CDH4: variants seen among roughly 807,000 people sequenced by gnomAD.
CDH4 encodes cadherin 4.
Under a neutral mutation model 86.0 loss-of-function variants are expected in CDH4, and 33 were observed. The ratio of observed to expected loss-of-function variants is 0.38; its 90% CI spans 0.29 to 0.51. CDH4 has a LOEUF of 0.51. Among genes scored for constraint, CDH4 ranks in the 20% least tolerant of loss-of-function variants. CDH4 has a pLI of 0.86. For synonymous variants in CDH4, 555 were observed against 549.4 expected, an observed-to-expected ratio of 1.01 and a Z score of -0.14; for missense variants, 1,114 against 1,307.4, an observed-to-expected ratio of 0.85 and a Z score of 2.28.
intron 2 of CDH4, among the ~76,000 whole-genome samples, chr20:61,466,529 T>C (rs1175987772): frequency 1.3e-5 from 2 of 152,166 alleles, no homozygotes; most frequent in Non-Finnish European, 2.9e-5. Context: ...ACCCTCATTT[T>C]GGTTCTGGTG....
At chr20:61,707,597 A>C (rs944161635) in intron 2 of CDH4, among the ~76,000 whole-genome samples, 2 of 152,232 alleles carry the variant, frequency 1.3e-5, no homozygotes, top group African/African-American at 2.4e-5. Flanking sequence ...TGCAAAGATC[A>C]ATAAAAACAA....
intron 2 of CDH4, among the ~76,000 whole-genome samples, chr20:61,419,397 G>A (rs2085165070): frequency 6.6e-6 from 1 of 152,176 alleles, no homozygotes; most frequent in African/African-American, 2.4e-5. Flanking sequence ...GCAAGTTCGT[G>A]GTGCCTCAGA....
rs1363394004 is a variant in CDH4, at chr20:61,407,329, T to G, written c.169+152392T>G. 3.9e-5 allele frequency among the ~76,000 whole-genome samples: 6 copies of G among 152,344 alleles called. No homozygotes were observed. In the East Asian group the frequency reaches 1.2e-3, roughly 29 times the overall value. On this transcript the variant is annotated intron_variant, in intron 2 of 15. Transcript: ENST00000614565. ...AAGCCGTGCCTGCCACCCCGGGTTC[T>G]GTCTCTTCCTTGAGCTTCTCAGCAC...
intron 2 of CDH4, among the ~76,000 whole-genome samples, chr20:61,531,015 C>T (rs2085947553): frequency 1.3e-5 from 2 of 152,142 alleles, no homozygotes; most frequent in South Asian, 4.1e-4. Flanking sequence ...AAAAGCAAGG[C>T]TCAACAGCCT....
chr20:61,663,738 C>T lies in CDH4; in HGVS notation c.170-79825C>T, dbSNP rs945783745. On this transcript the variant is annotated intron_variant, in intron 2 of 15. Coordinates refer to ENST00000614565, the MANE Select transcript of CDH4 (RefSeq NM_001794.5). This position sits in a 1 kb window ranked among gnomAD's most constrained non-coding sequence, Gnocchi z 5.0. ...GACGTGCAGAACCAGGCAGGGCTGA[C>T]AGACGCGGGGTCGGGGGAAGATCAG... Among the ~76,000 whole-genome samples the T allele has an allele frequency of 1.3e-5, 2 of 151,526 alleles. No individual in the cohort carries two copies. Among genetic ancestry groups the T allele is most frequent in the African/African-American group, 4.9e-5 (2 of 41,184 alleles).
At chr20:61,872,456 A>T (rs1326853930) in intron 6 of CDH4, among the ~76,000 whole-genome samples, 2 of 151,998 alleles carry the variant, frequency 1.3e-5, no homozygotes, top group African/African-American at 2.4e-5. Flanking sequence ...CCTTCATCTC[A>T]TGCACACGGG....
rs376674292 is a variant in CDH4 at position 61,318,575 on chromosome 20, G to A, written c.169+63638G>A. ...GCTGGAGGCTATGATGTGGGCATGCGCTCTAGAAGGGCACCATGGTCCAGA... is the reference window on the plus strand; with the variant it reads ...GCTGGAGGCTATGATGTGGGCATGCACTCTAGAAGGGCACCATGGTCCAGA... On this transcript the variant is annotated intron_variant, in intron 2 of 15. Transcript: ENST00000614565. 6.6e-4 allele frequency among the ~76,000 whole-genome samples: 100 copies of A among 152,266 alleles called. 1 individual carries two copies. Among genetic ancestry groups the A allele is most frequent in the Non-Finnish European group, 1.1e-3 (77 of 68,022 alleles).
chr20:61,818,761 A>G (rs887925185), intron 4 of CDH4, among the ~76,000 whole-genome samples: 1 of 151,114 alleles, frequency 6.6e-6, no homozygotes, highest in Non-Finnish European at 1.5e-5. Flanking sequence ...AGGCCCCAGC[A>G]GATCTCTTGG....
At chr20:61,293,434 C>T (rs2427038) in intron 2 of CDH4, among the ~76,000 whole-genome samples, 57,593 of 151,864 alleles carry the variant, frequency 0.38, 11,225 homozygotes, top group African/African-American at 0.46. Context: ...TGGAGAGGCC[C>T]CAGGTGCCCG....
chr20:61,404,371 C>T (rs76294338), intron 2 of CDH4, among the ~76,000 whole-genome samples: 4,293 of 152,194 alleles, frequency 0.028, 216 homozygotes, highest in African/African-American at 0.099. Context: ...AATTTTCACA[C>T]CTTTCACCCT....
intron 2 of CDH4, among the ~76,000 whole-genome samples, chr20:61,669,742 G>A (rs368984637): frequency 3.6e-4 from 55 of 152,152 alleles, no homozygotes; most frequent in African/African-American, 1.2e-3. Flanking sequence ...CAATCTTCCC[G>A]TACCCTCCGC....
chr20:61,862,687 C>T (rs1983381331), intron 6 of CDH4, among the ~76,000 whole-genome samples: 1 of 152,336 alleles, frequency 6.6e-6, no homozygotes, highest in Non-Finnish European at 1.5e-5. Flanking sequence ...AGGCTCTCAG[C>T]ATTTCTCAAA....
intron 2 of CDH4, among the ~76,000 whole-genome samples, chr20:61,470,896 A>T (rs1414505543): frequency 6.6e-6 from 1 of 152,174 alleles, no homozygotes; most frequent in Non-Finnish European, 1.5e-5. Context: ...CCACTTGATC[A>T]TGATGAATTA....
chr20:61,324,769 A>T (rs1209265608), intron 2 of CDH4, among the ~76,000 whole-genome samples: 1 of 152,220 alleles, frequency 6.6e-6, no homozygotes, highest in Non-Finnish European at 1.5e-5. Flanking sequence ...TCTAGCGCCC[A>T]GGAAGAGTTG....
At chr20:61,907,628 G>A (rs927827474) in intron 8 of CDH4, among the ~76,000 whole-genome samples, 1 of 152,130 alleles carries the variant, frequency 6.6e-6, no homozygotes, top group East Asian at 1.9e-4. Flanking sequence ...TGACTCCTGG[G>A]CGGCTCAAAA....
rs2084999267 is a variant in CDH4 at position 61,393,669 on chromosome 20, CCTGG to C, written c.169+138737_169+138740del. Among the ~76,000 whole-genome samples the C allele has an allele frequency of 6.6e-6, 1 of 152,096 alleles. No homozygotes were observed. Among genetic ancestry groups the C allele is most frequent in the African/African-American group, 2.4e-5 (1 of 41,398 alleles). On this transcript the variant is annotated intron_variant, in intron 2 of 15. Coordinates refer to ENST00000614565, the MANE Select transcript of CDH4 (RefSeq NM_001794.5). The surrounding 1 kb of genome is among the most constrained non-coding windows in gnomAD (Gnocchi z 4.3). ...TTGCAGCGAGGATCATCGAAGTAGACCTGGCTGGGTGAGAGTCACTGCAGCCCCT... is the reference window on the plus strand; with the variant it reads ...TTGCAGCGAGGATCATCGAAGTAGACCTGGGTGAGAGTCACTGCAGCCCCT...
intron 2 of CDH4, among the ~76,000 whole-genome samples, chr20:61,685,872 G>GTGGA (rs1478885882): frequency 6.6e-6 from 1 of 152,260 alleles, no homozygotes; most frequent in Non-Finnish European, 1.5e-5. Context: ...AGTCCGGGCT[G>GTGGA]TGGGATCCCC....
At chr20:61,415,054 C>A (rs76766784) in intron 2 of CDH4, among the ~76,000 whole-genome samples, 1 of 152,208 alleles carries the variant, frequency 6.6e-6, no homozygotes, top group Non-Finnish European at 1.5e-5. Context: ...ATTTCAGAAC[C>A]CTTGGCCCAC....
Position 61,582,292 on chromosome 20 carries a change from T to C in CDH4, c.170-161271T>C, listed in dbSNP as rs1353905694. 1.3e-5 allele frequency among the ~76,000 whole-genome samples: 2 copies of C among 152,186 alleles called. No homozygotes were observed. The highest frequency in any genetic ancestry group is 3.9e-4 in the East Asian group (2 of 5,176). On this transcript the variant is annotated intron_variant, in intron 2 of 15. Transcript: ENST00000614565. This position sits in a 1 kb window ranked among gnomAD's most constrained non-coding sequence, Gnocchi z 4.2. ...GATTTTTGAGATGTTTGCCTCCTTA[T>C]CTGTTTCCATGAGCCAGGTGCCCTG... is the stretch of plus-strand genomic sequence containing the variant.
Sources: gnomAD v4.1 joint callset for allele counts (sites outside exome capture counted in the v4.1 genomes callset) on GRCh38, gnomAD v4.1.1 for gene constraint, Gnocchi (gnomAD v3.1) non-coding constraint, MANE v1.5 for transcripts, NCBI Gene and HGNC (gene_info 2026-07-23, HGNC 2026-07-21) for gene names.